Variants in KHDRBS2 observed in about 807,000 individuals in gnomAD.
KHDRBS2 encodes the protein KH domain-containing, RNA-binding, signal transduction-associated protein 2.
KHDRBS2 carries 26 observed loss-of-function variants against 44.3 expected under a neutral mutation model. That is an observed-to-expected ratio of 0.59 (90% CI 0.43 to 0.81). The LOEUF (loss-of-function observed/expected upper bound fraction) is 0.81. Ranked by LOEUF, KHDRBS2 falls within the 40% of genes least tolerant of loss-of-function variation. The pLI is 0.00. For synonymous variants in KHDRBS2, 194 were observed against 151.1 expected (o/e 1.28, Z -2.08); for missense variants, 476 against 433.1 (o/e 1.10, Z -0.88).
chr6:62,182,116 T>C (rs973839173), intron 1 of KHDRBS2, among the ~76,000 whole-genome samples: 5 of 152,024 alleles, frequency 3.3e-5, no homozygotes, highest in African/African-American at 1.2e-4. Context: ...TTTTCCAAGA[T>C]TTTGAATTTT....
At chr6:61,848,581 A>ATG (rs1489113569) in intron 6 of KHDRBS2, among the ~76,000 whole-genome samples, 3 of 105,026 alleles carry the variant, frequency 2.9e-5, no homozygotes, top group Non-Finnish European at 3.8e-5. Flanking sequence ...ATATACATAT[A>ATG]TATATATATA....
chr6:62,102,476 A>T (rs1460117415), intron 2 of KHDRBS2, among the ~76,000 whole-genome samples: 4 of 152,164 alleles, frequency 2.6e-5, no homozygotes, highest in Non-Finnish European at 4.4e-5. Flanking sequence ...CACTCCAGAC[A>T]TGGGGAGCCC....
chr6:62,237,900 G>A (rs1316813823), intron 1 of KHDRBS2, among the ~76,000 whole-genome samples: 6 of 152,018 alleles, frequency 3.9e-5, no homozygotes, highest in South Asian at 2.1e-4. Flanking sequence ...TTAGCTGGGC[G>A]TGGTGGTGCA....
chr6:61,911,244 T>G (rs1562425012), intron 4 of KHDRBS2, among the ~76,000 whole-genome samples: 1 of 152,184 alleles, frequency 6.6e-6, no homozygotes, highest in African/African-American at 2.4e-5. Flanking sequence ...ACCTGTTAGA[T>G]GTTTTTAAGT....
intron 7 of KHDRBS2, among the ~76,000 whole-genome samples, chr6:61,707,508 A>G (rs1179218005): frequency 6.6e-6 from 1 of 151,860 alleles, no homozygotes; most frequent in African/African-American, 2.4e-5. Context: ...TTAAAAATAT[A>G]CATTTTCCAT....
chr6:62,280,084 G>T (rs537963743), intron 1 of KHDRBS2, among the ~76,000 whole-genome samples: 88 of 152,268 alleles, frequency 5.8e-4, no homozygotes, highest in Non-Finnish European at 7.4e-5. Flanking sequence ...GGGAATGAGG[G>T]GAAAATATCT....
chr6:61,936,241 C>A (rs138417709), intron 4 of KHDRBS2, among the ~76,000 whole-genome samples: 1 of 151,872 alleles, frequency 6.6e-6, no homozygotes, highest in Non-Finnish European at 1.5e-5. Flanking sequence ...ATCACATTTT[C>A]TTTCTTTTTT....
At chr6:61,895,136 AC>A (rs1260927866) in intron 5 of KHDRBS2, among the ~76,000 whole-genome samples, 3 of 150,046 alleles carry the variant, frequency 2.0e-5, no homozygotes, top group Non-Finnish European at 3.0e-5. Flanking sequence ...AAAAAAAAAA[AC>A]CCAAACAAAA....
At chr6:62,284,601 A>G (rs1460607116) in intron 1 of KHDRBS2, among the ~76,000 whole-genome samples, 1 of 151,960 alleles carries the variant, frequency 6.6e-6, no homozygotes, top group Non-Finnish European at 1.5e-5. Context: ...ATTGTATTTC[A>G]CCTTCCCACT....
chr6:62,004,515 T>C (rs1391489991), intron 3 of KHDRBS2, among the ~76,000 whole-genome samples: 3 of 152,058 alleles, frequency 2.0e-5, no homozygotes, highest in African/African-American at 7.2e-5. Flanking sequence ...GAGGCAATAA[T>C]TAATAGTCTT....
chr6:62,149,923 AT>A (rs1486199937), intron 2 of KHDRBS2, among the ~76,000 whole-genome samples: 1 of 152,170 alleles, frequency 6.6e-6, no homozygotes, highest in African/African-American at 2.4e-5. Context: ...AAGCTATCTA[AT>A]TCAACTGAAC....
chr6:61,862,330 C>T (rs1449183198), intron 6 of KHDRBS2, among the ~76,000 whole-genome samples: 1 of 152,084 alleles, frequency 6.6e-6, no homozygotes, highest in Non-Finnish European at 1.5e-5. Context: ...TGCCTCACTT[C>T]CCTGGCCAGA....
At chr6:61,557,268 A>G in the KHDRBS2 span, among the ~76,000 whole-genome samples, 2 of 152,274 alleles carry the variant, frequency 1.3e-5, no homozygotes, top group East Asian at 3.9e-4. Context: ...CTCTTCACAG[A>G]TATTATCTTA....
intron 4 of KHDRBS2, among the ~76,000 whole-genome samples, chr6:61,948,983 G>A (rs1460645622): frequency 2.0e-5 from 3 of 151,902 alleles, no homozygotes; most frequent in Admixed American, 6.6e-5. Flanking sequence ...CTGCAACTTA[G>A]CTGATATACA....
chr6:61,622,026 C>T, the KHDRBS2 span, among the ~76,000 whole-genome samples: 63 of 152,264 alleles, frequency 4.1e-4, 1 homozygote, highest in South Asian at 0.012. Context: ...AGATGTTTTT[C>T]CCCAGCAACG....
At chr6:61,630,626 C>T in the KHDRBS2 span, 11 of 152,240 alleles carry the variant, frequency 7.2e-5, no homozygotes, top group South Asian at 2.3e-3. Flanking sequence ...CAAATGATGC[C>T]TGAAACAAGG....
In KHDRBS2 at chr6:61,687,650, T is replaced by G. The variant is rs111816390; in HGVS notation, c.953-6590A>C. ...TTTTTAACTTTTCTGTATTTTTATA[T>G]TATTGTGCTTAATATCTCCAATTTA... On this transcript the variant is annotated intron_variant, in intron 8 of 8. Coordinates refer to ENST00000281156, the MANE Select transcript of KHDRBS2 (RefSeq NM_152688.4). Among the ~76,000 whole-genome samples, 507 of 152,002 alleles carry G rather than the reference T, an allele frequency of 3.3e-3. 6 individuals carry two copies. The highest frequency in any genetic ancestry group is 0.012 in the African/African-American group (490 of 41,538).
chr6:61,668,780 C>G, the KHDRBS2 span, among the ~76,000 whole-genome samples: 1 of 150,890 alleles, frequency 6.6e-6, no homozygotes, highest in Admixed American at 6.6e-5. Flanking sequence ...TTCACCTTCA[C>G]TTTGGTATCC....
chr6:61,749,171 C>A (rs1197953117), intron 6 of KHDRBS2, among the ~76,000 whole-genome samples: 1 of 151,756 alleles, frequency 6.6e-6, no homozygotes, highest in Non-Finnish European at 1.5e-5. Flanking sequence ...CGCCACCATG[C>A]CCGGCTAATT....
Sources: gnomAD v4.1 joint callset for allele counts (sites outside exome capture counted in the v4.1 genomes callset) on GRCh38, gnomAD v4.1.1 for gene constraint, MANE v1.5 for transcripts, NCBI Gene and HGNC (gene_info 2026-07-23, HGNC 2026-07-21) for gene names.